POGK: variants seen among roughly 807,000 people sequenced by gnomAD.
POGK encodes pogo transposable element derived with KRAB domain.
POGK carries 16 observed loss-of-function variants against 54.4 expected under a neutral mutation model. The ratio of observed to expected loss-of-function variants is 0.29; its 90% confidence interval spans 0.20 to 0.45. POGK has a LOEUF of 0.45. POGK is among the 20% of genes least tolerant of loss of function. POGK has a pLI of 1.00. For missense variants in POGK, 515 were observed against 795.6 expected, an observed-to-expected ratio of 0.65 and a Z score of 4.24; for synonymous variants, 271 against 302.2, an observed-to-expected ratio of 0.90 and a Z score of 1.07.
Position 166,839,573 on chromosome 1 carries a change from C to G in POGK, c.-34C>G, listed in dbSNP as rs1657379980. ...ACAGCCGGGCCGGAGCCCTCGCGTCCCCACCCCGCGCCCTGGCCGCTGGGC... is the reference window on the plus strand; with the variant it reads ...ACAGCCGGGCCGGAGCCCTCGCGTCGCCACCCCGCGCCCTGGCCGCTGGGC... On this transcript the variant is annotated 5_prime_UTR_variant, in exon 1 of 6. Transcript: ENST00000367876. The G allele has an allele frequency of 6.7e-6, 1 of 149,856 alleles. No homozygotes were observed. The highest frequency in any genetic ancestry group is 2.4e-5 in the African/African-American group (1 of 41,050). The allele number at this position is 149,856 out of a possible 1,614,324, so 9.3% of individuals were successfully genotyped here. A position where few individuals can be genotyped will look rare whatever the true frequency, so the allele number is the denominator to read the frequency against.
chr1:166,850,662 G>A (rs571956842), intron 5 of POGK: 14 of 431,318 alleles, frequency 3.2e-5, no homozygotes, highest in East Asian at 2.3e-4. Flanking sequence ...AGCTCCGCCC[G>A]CTGTCACAGC....
In POGK at chr1:166,853,357, G is replaced by T. The variant is rs958197936; in HGVS notation, c.*787G>T. Reference sequence around the variant, plus strand: ...ATATTTAATGATAGGGCAGGATTTCGTATGCAAGCTCTTGTTTCTCAGGCT... The same window carrying T: ...ATATTTAATGATAGGGCAGGATTTCTTATGCAAGCTCTTGTTTCTCAGGCT... On this transcript the variant is annotated 3_prime_UTR_variant, in exon 6 of 6. Transcript: ENST00000367876. 2.6e-5 allele frequency: 4 copies of T among 152,542 alleles called. No individual in the cohort carries two copies. The highest frequency in any genetic ancestry group is 6.5e-5 in the Admixed American group (1 of 15,274). 9.4% of individuals were successfully genotyped at this position (152,542 alleles called of 1,614,324 possible).
chr1:166,845,312 C>G lies in POGK; in HGVS notation c.133-1300C>G, dbSNP rs1023949832. Among the ~76,000 whole-genome samples the G allele has an allele frequency of 3.4e-5, 5 of 146,912 alleles. No individual in the cohort carries two copies. In the East Asian group the frequency reaches 1.0e-3, roughly 30 times the overall value. ...GGCAGAGGTTGCAGTGAGCCAAGAT[C>G]GTGCCACTGCACTCCAGCCTGGGCA... On this transcript the variant is annotated intron_variant, in intron 2 of 5. Coordinates refer to ENST00000367876, the MANE Select transcript of POGK (RefSeq NM_017542.5).
chr1:166,839,664 T>G (rs1657387458), intron 1 of POGK, 60 bp downstream of exon 1: 9 of 137,332 alleles, frequency 6.6e-5, no homozygotes, highest in East Asian at 5.0e-4. Flanking sequence ...CCCGGGCGGC[T>G]GGGCCGCGGC....
chr1:166,845,432 G>A (rs888559530), intron 2 of POGK, among the ~76,000 whole-genome samples: 6 of 152,088 alleles, frequency 3.9e-5, no homozygotes, highest in African/African-American at 1.4e-4. Context: ...GCAGTTACAG[G>A]CCCTTTCCTA....
rs143482037 is a variant in POGK, at chr1:166,844,388, A to G, written c.133-2224A>G. On this transcript the variant is annotated intron_variant, in intron 2 of 5. Transcript: ENST00000367876. ...CCAGGGAGAAAAAAAGGCCAAAGAGACAGTTCTTTAAAAGCCTGGGAATTG... is the reference window on the plus strand; with the variant it reads ...CCAGGGAGAAAAAAAGGCCAAAGAGGCAGTTCTTTAAAAGCCTGGGAATTG... Among the ~76,000 whole-genome samples, 778 of 152,244 alleles carry G rather than the reference A, an allele frequency of 5.1e-3. 5 individuals are homozygous for G. The highest frequency in any genetic ancestry group is 0.018 in the African/African-American group (732 of 41,532).
chr1:166,849,644 T>C lies in POGK; in HGVS notation c.1065T>C (p.Tyr355=), dbSNP rs776721090. 3.1e-6 allele frequency: 5 copies of C among 1,614,162 alleles called. No homozygotes were observed. In the East Asian group the frequency reaches 8.9e-5, roughly 29 times the overall value. ...TGGCTCTGCGCAGGGCGCATGACTA[T>C]GAGGTAGCTCAGATGGGGAATGCAG... ...SVLALRRAHD[Y]EVAQMGNADE... is the part of the protein sequence containing the mutation. Residue 355 remains tyrosine (Y), a synonymous_variant, in exon 5 of 6, where the codon TAT becomes TAC. Transcript: ENST00000367876.
At position 166,846,747 on chromosome 1, in the gene POGK, G is replaced by A. The variant is rs367860068; in HGVS notation, c.259+9G>A. On this transcript the variant is annotated intron_variant, in intron 3 of 5. Transcript: ENST00000367876. ...AACTGTCCTGTCCCTGGGTAAAGCT[G>A]TGTTTTCCTTTGTCTCCTGGAAGCT... The A allele has an allele frequency of 2.5e-5, 41 of 1,613,896 alleles. No homozygotes were observed. The African/African-American group carries it at 4.7e-4, about 18-fold the overall frequency.
chr1:166,841,549 G>C (rs1182297827), intron 2 of POGK, among the ~76,000 whole-genome samples: 5 of 152,202 alleles, frequency 3.3e-5, no homozygotes, highest in Admixed American at 2.0e-4. Flanking sequence ...CAGCTGACCT[G>C]GATAGAAATG....
rs1217277781 is a variant in POGK, at chr1:166,855,536, A to G, written c.*2966A>G. 5.3e-5 allele frequency: 8 copies of G among 152,334 alleles called. No individual in the cohort carries two copies. The East Asian group carries it at 1.5e-3, about 29-fold the overall frequency. The allele number at this position is 152,334 out of a possible 1,614,324, so 9.4% of individuals were successfully genotyped here. A position where few individuals can be genotyped will look rare whatever the true frequency, so the allele number is the denominator to read the frequency against. The stretch of plus-strand genomic sequence containing the variant: ...TTACTGCCCTGCACTTTACCCCATC[A>G]TCTCCCCTCCTTAGAAAATGATTTC... On this transcript the variant is annotated 3_prime_UTR_variant, in exon 6 of 6. Transcript: ENST00000367876.
rs1033912193 is a variant in POGK at position 166,852,996 on chromosome 1, C to T, written c.*426C>T. The T allele has an allele frequency of 2.0e-5, 3 of 152,190 alleles. No homozygotes were observed. Among genetic ancestry groups the T allele is most frequent in the African/African-American group, 4.8e-5 (2 of 41,444 alleles). 9.4% of individuals were successfully genotyped at this position (152,190 alleles called of 1,614,324 possible). A position where few individuals can be genotyped will look rare whatever the true frequency, so the allele number is the denominator to read the frequency against. On this transcript the variant is annotated 3_prime_UTR_variant, in exon 6 of 6. Transcript: ENST00000367876. ...TCTGGTGTCCTTCTATGGAGAAAACCTCAAGTAAAGTTTTATTCTGCCTTT... is the reference window on the plus strand; with the variant it reads ...TCTGGTGTCCTTCTATGGAGAAAACTTCAAGTAAAGTTTTATTCTGCCTTT...
chr1:166,840,571 C>T (rs1657458266), intron 1 of POGK: 1 of 161,862 alleles, frequency 6.2e-6, no homozygotes, highest in Admixed American at 6.2e-5. Flanking sequence ...CACCTTTCCC[C>T]TGCCTCTGAT....
Position 166,853,538 on chromosome 1 carries a change from TCTC to T in POGK, c.*971_*973del, listed in dbSNP as rs1352131640. The T allele has an allele frequency of 6.6e-6, 1 of 152,656 alleles. No homozygotes were observed. The highest frequency in any genetic ancestry group is 1.5e-5 in the Non-Finnish European group (1 of 68,036). 9.5% of individuals were successfully genotyped at this position (152,656 alleles called of 1,614,324 possible). On this transcript the variant is annotated 3_prime_UTR_variant, in exon 6 of 6. Coordinates refer to ENST00000367876, the MANE Select transcript of POGK (RefSeq NM_017542.5). ...GCCACAGCTGTTTTAAGACTTCTGA[TCTC>T]CTGCCCTGCAGGAATAGGTGGGAAG...
At chr1:166,839,681 G>C (rs1192990889) in intron 1 of POGK, 77 bp downstream of exon 1, 1 of 133,934 alleles carries the variant, frequency 7.5e-6, no homozygotes, top group African/African-American at 2.8e-5. Flanking sequence ...CGGCAGAGGC[G>C]GGGGCGCCGA....
chr1:166,844,403 CCTGGGAAT>C (rs1275319395), intron 2 of POGK, among the ~76,000 whole-genome samples: 1 of 152,082 alleles, frequency 6.6e-6, no homozygotes, highest in Non-Finnish European at 1.5e-5. Flanking sequence ...TCTTTAAAAG[CCTGGGAAT>C]TGGGAAAGGA....
intron 3 of POGK, 41 bp downstream of exon 3, chr1:166,846,779 C>A (rs202097957): frequency 4.3e-6 from 7 of 1,611,084 alleles, no homozygotes; most frequent in Middle Eastern, 1.7e-4. Flanking sequence ...AGCTCTGAGC[C>A]CAGAGAATTG....
chr1:166,850,478 A>C, intron 5 of POGK, 55 bp downstream of exon 5: 1 of 1,504,810 alleles, frequency 6.6e-7, no homozygotes, highest in Non-Finnish European at 8.8e-7. Flanking sequence ...TGTGTTCTAC[A>C]AACACCTTCT....
intron 2 of POGK, among the ~76,000 whole-genome samples, chr1:166,842,956 A>C (rs908151573): frequency 6.6e-6 from 1 of 152,222 alleles, no homozygotes; most frequent in Admixed American, 6.5e-5. Context: ...ATCTGTTTTT[A>C]AAATATGTAT....
At position 166,849,704 on chromosome 1, in the gene POGK, G is replaced by C. The variant is rs1228672224; in HGVS notation, c.1125G>C (p.Arg375=). The change falls in exon 5 of 6, where the codon CGG becomes CGC. Residue 375 remains arginine (R), a synonymous_variant. Transcript: ENST00000367876. The part of the protein sequence containing the change: ...ETPICLEVPS[R]VTVDNQGEKP... ...CCATTTGTTTAGAGGTGCCATCACG[G>C]GTAACTGTTGATAACCAGGGCGAAA... The C allele has an allele frequency of 3.1e-6, 5 of 1,614,162 alleles. No homozygotes were observed. The African/African-American group carries it at 5.3e-5, about 17-fold the overall frequency.
Sources: allele counts gnomAD v4.1 joint callset (sites outside exome capture counted in the v4.1 genomes callset), GRCh38; gene constraint gnomAD v4.1.1; transcripts MANE v1.5; gene names NCBI Gene and HGNC (gene_info 2026-07-23, HGNC 2026-07-21).